The following SPATA31F1 variants were observed in gnomAD, a reference collection of about 807,000 sequenced individuals.
SPATA31F1 encodes SPATA31 subfamily F member 1.
At chr9:34,728,707 A>AT in the SPATA31F1 span, 1 of 1,497,572 alleles carries the variant, frequency 6.7e-7, no homozygotes, top group Non-Finnish European at 9.1e-7. Context: ...TTTCTTTCTC[A>AT]TGTCCAAAAT....
At chr9:34,723,860 C>T in the SPATA31F1 span, 31 of 1,551,488 alleles carry the variant, frequency 2.0e-5, no homozygotes, top group South Asian at 1.9e-4. Context: ...CCCAGGGACT[C>T]GTGGAGGTAG....
the SPATA31F1 span, chr9:34,728,032 T>C: frequency 6.4e-7 from 1 of 1,552,190 alleles, no homozygotes; most frequent in South Asian, 1.2e-5. Flanking sequence ...CTTTTAATGA[T>C]GGAGAGCAGC....
At chr9:34,726,158 C>T in the SPATA31F1 span, 43,497 of 1,243,260 alleles carry the variant, frequency 0.035, 2,582 homozygotes, top group African/African-American at 0.18. Context: ...CACACATGAA[C>T]ACCAGGTCTG....
the SPATA31F1 span, chr9:34,729,194 T>G: frequency 7.0e-7 from 1 of 1,421,792 alleles, no homozygotes; most frequent in Non-Finnish European, 9.3e-7. Context: ...GCTATAAAAA[T>G]TCTGGGGTGG....
chr9:34,727,910 G>A, the SPATA31F1 span: 2 of 990,948 alleles, frequency 2.0e-6, no homozygotes, highest in Non-Finnish European at 3.0e-6. Flanking sequence ...CTTCCACTGT[G>A]TATGTCTCCC....
At chr9:34,724,695 A>G in the SPATA31F1 span, 18 of 1,548,508 alleles carry the variant, frequency 1.2e-5, no homozygotes, top group African/African-American at 1.8e-4. Context: ...ACGTCTGTAC[A>G]ACTCTCATTG....
the SPATA31F1 span, chr9:34,726,741 A>ATGACAG: frequency 6.4e-7 from 1 of 1,551,702 alleles, no homozygotes; most frequent in Non-Finnish European, 8.7e-7. Context: ...GGGGTTACAG[A>ATGACAG]TGACAGTGAA....
chr9:34,725,816 G>A, the SPATA31F1 span: 2 of 1,549,970 alleles, frequency 1.3e-6, no homozygotes. Flanking sequence ...TTGGGGGAAG[G>A]AGAGCTCATT....
the SPATA31F1 span, chr9:34,728,550 C>T: frequency 2.0e-6 from 3 of 1,510,760 alleles, no homozygotes; most frequent in South Asian, 2.4e-5. Flanking sequence ...CACAGAGGGA[C>T]AGGATTCATG....
chr9:34,723,789 G>T, the SPATA31F1 span: 1 of 1,551,736 alleles, frequency 6.4e-7, no homozygotes, highest in South Asian at 1.2e-5. Flanking sequence ...ATTGTCGCTG[G>T]TTCAAGGATG....
At chr9:34,727,005 G>A in the SPATA31F1 span, 6 of 1,540,604 alleles carry the variant, frequency 3.9e-6, no homozygotes, top group Admixed American at 2.0e-5. Flanking sequence ...AGGGAAACAC[G>A]GCAAAATTAA....
the SPATA31F1 span, chr9:34,724,575 T>C: frequency 1.3e-6 from 2 of 1,541,490 alleles, no homozygotes; most frequent in Non-Finnish European, 1.8e-6. Flanking sequence ...TTTAGTTTGG[T>C]CAAGATATGT....
the SPATA31F1 span, chr9:34,724,564 G>A: frequency 4.5e-6 from 7 of 1,543,520 alleles, no homozygotes; most frequent in African/African-American, 6.9e-5. Flanking sequence ...TCAGGTGGAA[G>A]TTTAGTTTGG....
chr9:34,723,832 C>T, the SPATA31F1 span: 5 of 1,551,596 alleles, frequency 3.2e-6, no homozygotes, highest in South Asian at 1.2e-5. Context: ...CTTGCAGGTC[C>T]TTCTCAGACT....
the SPATA31F1 span, chr9:34,723,847 C>T: frequency 6.4e-7 from 1 of 1,551,708 alleles, no homozygotes; most frequent in East Asian, 2.4e-5. Flanking sequence ...CAGACTCTTT[C>T]TCCCCAGGGA....
chr9:34,726,143 C>A, the SPATA31F1 span: 1 of 1,343,798 alleles, frequency 7.4e-7, no homozygotes, highest in Non-Finnish European at 1.0e-6. Context: ...GATGGGCTGG[C>A]CAGCCACACA....
chr9:34,725,004 G>T, the SPATA31F1 span: 1 of 1,552,048 alleles, frequency 6.4e-7, no homozygotes, highest in Non-Finnish European at 8.7e-7. Flanking sequence ...TGTTGCTGCT[G>T]ATCAAGGGCC....
At chr9:34,724,788 C>T in the SPATA31F1 span, 77 of 1,551,528 alleles carry the variant, frequency 5.0e-5, no homozygotes, top group African/African-American at 7.1e-4. Flanking sequence ...GGGATTTCCA[C>T]GGGACTAGGC....
chr9:34,723,301 G>C, the SPATA31F1 span: 1 of 1,551,688 alleles, frequency 6.4e-7, no homozygotes, highest in Non-Finnish European at 8.7e-7. Flanking sequence ...GGCGGGGGTA[G>C]CCCAGGGCTG....
Sources: gnomAD v4.1 joint callset for allele counts on GRCh38, gnomAD v4.1.1 for gene constraint, MANE v1.5 for transcripts, NCBI Gene and HGNC (gene_info 2026-07-23, HGNC 2026-07-21) for gene names.